The following CHRNB3 variants were observed in gnomAD, a reference collection of about 807,000 sequenced individuals.
The protein encoded by CHRNB3 is neuronal acetylcholine receptor subunit beta-3.
A neutral mutation model predicts 40.6 loss-of-function variants in CHRNB3; 37 were observed. That is an observed-to-expected ratio of 0.91 (90% CI 0.70 to 1.20). The LOEUF is 1.20. Among genes scored for constraint, CHRNB3 ranks in the 50% most tolerant of loss-of-function variants. CHRNB3 has a pLI of 0.00. For missense variants in CHRNB3, 505 were observed against 551.2 expected, an observed-to-expected ratio of 0.92 and a Z score of 0.84; for synonymous variants, 207 against 207.1, an observed-to-expected ratio of 1.00 and a Z score of 0.00.
At chr8:42,730,375 T>C (rs369390365) in intron 3 of CHRNB3, among the ~76,000 whole-genome samples, 98 of 152,308 alleles carry the variant, frequency 6.4e-4, no homozygotes, top group Admixed American at 1.5e-3. Context: ...TTTGGAAATA[T>C]GTAACATGCA....
Position 42,708,723 on chromosome 8 carries a change from C to T in CHRNB3, c.59C>T (p.Thr20Ile). The change falls in exon 2 of 6, where the codon ACA (threonine) becomes ATA (isoleucine). Residue 20 changes from threonine to isoleucine, a missense_variant. Coordinates refer to ENST00000289957, the MANE Select transcript of CHRNB3 (RefSeq NM_000749.5). Reference protein sequence around the residue: ...IVLGIPSSATTGFNSIAENED... With the variant: ...IVLGIPSSATIGFNSIAENED... ...ACCCATGATTCTTTTACAGCCACCA[C>T]AGGTTTCAACTCAATCGCCGAAAAT... 6.2e-7 allele frequency: 1 copy of T among 1,613,758 alleles called. No homozygotes were observed. The highest frequency in any genetic ancestry group is 8.5e-7 in the Non-Finnish European group (1 of 1,179,870).
chr8:42,727,654 A>C (rs1816334589), intron 3 of CHRNB3, among the ~76,000 whole-genome samples: 1 of 151,982 alleles, frequency 6.6e-6, no homozygotes, highest in Non-Finnish European at 1.5e-5. Flanking sequence ...CACGAGGTCA[A>C]GAGATCGAGA....
chr8:42,699,895 T>C (rs1474081020), intron 1 of CHRNB3, among the ~76,000 whole-genome samples: 1 of 151,516 alleles, frequency 6.6e-6, no homozygotes, highest in African/African-American at 2.4e-5. Context: ...TTTTTTTTTT[T>C]TTTTTTGACG....
At chr8:42,723,888 C>G (rs534189701) in intron 3 of CHRNB3, among the ~76,000 whole-genome samples, 1 of 152,192 alleles carries the variant, frequency 6.6e-6, no homozygotes, top group South Asian at 2.1e-4. Flanking sequence ...GAGTTCAAGA[C>G]CAGCCTGGCC....
intron 3 of CHRNB3, among the ~76,000 whole-genome samples, chr8:42,727,408 C>T (rs1481222223): frequency 6.7e-6 from 1 of 149,102 alleles, no homozygotes; most frequent in African/African-American, 2.5e-5. Flanking sequence ...AAAAGAAAGA[C>T]AGATACACAG....
rs187500831 is a variant in CHRNB3, at chr8:42,700,869, A to G, written c.52+3271A>G. ...AGTGTGAGTTTGTCAAATTTTGCTA[A>G]AAGTGGATGTTGATATGGAGGTGGG... On this transcript the variant is annotated intron_variant, in intron 1 of 5. Coordinates refer to ENST00000289957, the MANE Select transcript of CHRNB3 (RefSeq NM_000749.5). Among the ~76,000 whole-genome samples the G allele has an allele frequency of 2.0e-3, 312 of 152,274 alleles. 2 individuals are homozygous for G. Among genetic ancestry groups the G allele is most frequent in the Non-Finnish European group, 8.2e-4 (56 of 68,038 alleles).
chr8:42,718,347 T>C (rs938407580), intron 3 of CHRNB3, among the ~76,000 whole-genome samples: 2 of 152,116 alleles, frequency 1.3e-5, no homozygotes, highest in Non-Finnish European at 2.9e-5. Flanking sequence ...TTCCTTATTA[T>C]CTTTTGGTCC....
intron 3 of CHRNB3, among the ~76,000 whole-genome samples, chr8:42,723,380 C>T (rs902018543): frequency 1.3e-5 from 2 of 152,100 alleles, no homozygotes; most frequent in African/African-American, 4.8e-5. Context: ...AAATGAGCTG[C>T]TGTTTAGCCT....
At chr8:42,701,515 G>A (rs1815798649) in intron 1 of CHRNB3, among the ~76,000 whole-genome samples, 1 of 152,096 alleles carries the variant, frequency 6.6e-6, no homozygotes, top group East Asian at 1.9e-4. Flanking sequence ...CTGCACCCCA[G>A]CTGGCAACAG....
chr8:42,730,551 T>C (rs55817013), intron 3 of CHRNB3, 43 bp from the exon 4 acceptor site: 54,111 of 1,217,338 alleles, frequency 0.044, 1,645 homozygotes, highest in Middle Eastern at 0.11. Flanking sequence ...ATCTAATACA[T>C]TGAACTTTCG....
chr8:42,708,472 A>AAGACACAC (rs774747142), intron 1 of CHRNB3, among the ~76,000 whole-genome samples: 1 of 51,704 alleles, frequency 1.9e-5, no homozygotes, highest in Non-Finnish European at 5.8e-5. Context: ...TCTCAAAAAA[A>AAGACACAC]ATACACACAC....
At chr8:42,701,733 T>C (rs1333929881) in intron 1 of CHRNB3, among the ~76,000 whole-genome samples, 1 of 152,226 alleles carries the variant, frequency 6.6e-6, no homozygotes, top group Non-Finnish European at 1.5e-5. Context: ...TACTTTTACC[T>C]GACTGCTCTG....
chr8:42,697,829 C>T (rs1024823871), intron 1 of CHRNB3, among the ~76,000 whole-genome samples: 3 of 148,448 alleles, frequency 2.0e-5, no homozygotes, highest in South Asian at 4.1e-4. Context: ...TCATTTGCTG[C>T]GTTTCTCCTT....
chr8:42,717,353 G>A (rs1235616829), intron 3 of CHRNB3, among the ~76,000 whole-genome samples: 28 of 63,830 alleles, frequency 4.4e-4, no homozygotes, highest in African/African-American at 1.6e-3. Flanking sequence ...CAGCCTGGGT[G>A]ACAGAGCGAG....
At chr8:42,721,459 C>T (rs1210409852) in intron 3 of CHRNB3, among the ~76,000 whole-genome samples, 2 of 152,128 alleles carry the variant, frequency 1.3e-5, no homozygotes, top group Non-Finnish European at 2.9e-5. Flanking sequence ...CGCAGTGGCT[C>T]ACACCTGTAA....
chr8:42,723,292 G>A lies in CHRNB3; in HGVS notation c.250-7302G>A, dbSNP rs1251245355. ...TTTTACTGTTTGCCTTTTAACAGGT[G>A]TTTTGCTATTAAGGCCAAACAGTTT... On this transcript the variant is annotated intron_variant, in intron 3 of 5. Coordinates refer to ENST00000289957, the MANE Select transcript of CHRNB3 (RefSeq NM_000749.5). Among the ~76,000 whole-genome samples, 16 of 152,016 alleles carry A rather than the reference G, an allele frequency of 1.1e-4. No individual in the cohort carries two copies. In the South Asian group the frequency reaches 1.2e-3, roughly 12 times the overall value.
At chr8:42,725,673 C>A in intron 3 of CHRNB3, 1 of 966,584 alleles carries the variant, frequency 1.0e-6, no homozygotes, top group Non-Finnish European at 1.7e-6. Context: ...GGCACAAGAA[C>A]CACGAGATCT....
At chr8:42,717,765 T>C (rs1047807111) in intron 3 of CHRNB3, among the ~76,000 whole-genome samples, 2 of 151,668 alleles carry the variant, frequency 1.3e-5, no homozygotes, top group African/African-American at 2.4e-5. Flanking sequence ...TGTATGTGAA[T>C]GTGACTAGCT....
chr8:42,735,133 T>C (rs567162910), intron 5 of CHRNB3, among the ~76,000 whole-genome samples: 20 of 150,078 alleles, frequency 1.3e-4, no homozygotes, highest in Admixed American at 7.3e-4. Context: ...GGCAGGAGAA[T>C]GGTGTGAACC....
Sources: allele counts gnomAD v4.1 joint callset (sites outside exome capture counted in the v4.1 genomes callset), GRCh38; gene constraint gnomAD v4.1.1; transcripts MANE v1.5; gene names NCBI Gene and HGNC (gene_info 2026-07-23, HGNC 2026-07-21).